HTR4: variants seen among roughly 807,000 people sequenced by gnomAD.
HTR4 encodes the protein 5-hydroxytryptamine receptor 4.
In HTR4, 16 loss-of-function variants were observed where a neutral mutation model predicts 36.8. That is an observed-to-expected ratio of 0.43 (90% CI 0.29 to 0.66). The LOEUF is 0.66. Ranked by LOEUF, HTR4 falls within the 30% of genes least tolerant of loss-of-function variation. The probability of loss-of-function intolerance (pLI) is 0.13; values close to 1 mark genes in which losing one functional copy is unlikely to be tolerated. For synonymous variants in HTR4, 189 were observed against 185.1 expected (o/e 1.02, Z -0.17); for missense variants, 438 against 490.9 (o/e 0.89, Z 1.02).
intron 2 of HTR4, chr5:148,630,534 C>T (rs776120194): frequency 1.1e-4 from 16 of 152,110 alleles, no homozygotes; most frequent in Admixed American, 5.9e-4. Flanking sequence ...TGTTTCCTCA[C>T]CAGAGAATGG....
intron 5 of HTR4, among the ~76,000 whole-genome samples, chr5:148,456,927 T>C (rs1430325038): frequency 6.6e-6 from 1 of 152,206 alleles, no homozygotes; most frequent in African/African-American, 2.4e-5. Flanking sequence ...AGTACAAAAT[T>C]CCCAATTCAG....
At chr5:148,578,731 A>G (rs1054607481) in intron 2 of HTR4, among the ~76,000 whole-genome samples, 1 of 152,114 alleles carries the variant, frequency 6.6e-6, no homozygotes, top group Non-Finnish European at 1.5e-5. Flanking sequence ...GATAATCACA[A>G]TACCTACGTC....
At chr5:148,513,069 A>T (rs1360644236) in intron 5 of HTR4, among the ~76,000 whole-genome samples, 1 of 150,948 alleles carries the variant, frequency 6.6e-6, no homozygotes, top group African/African-American at 2.4e-5. Context: ...GCTCACTACA[A>T]CCTCTGACTC....
At chr5:148,564,878 G>A (rs566566337) in intron 2 of HTR4, among the ~76,000 whole-genome samples, 29 of 152,162 alleles carry the variant, frequency 1.9e-4, no homozygotes, top group South Asian at 1.5e-3. Flanking sequence ...TTGGGAGGCC[G>A]AGGTGGGTGG....
rs1420933851 is a variant in HTR4 at position 148,633,390 on chromosome 5, T to TA, written c.26+3598_26+3599insT. Among the ~76,000 whole-genome samples, 4 of 151,936 alleles carry TA rather than the reference T, an allele frequency of 2.6e-5. No individual in the cohort carries two copies. The East Asian group carries it at 5.8e-4, about 22-fold the overall frequency. On this transcript the variant is annotated intron_variant, in intron 2 of 6. Transcript: ENST00000377888. Reference sequence around the variant, plus strand: ...ATCTTACTATTAGAATTCTTTTTTTTTTATTATACTTTAAGTTTTAGGGTA... The same window carrying TA: ...ATCTTACTATTAGAATTCTTTTTTTTATTATTATACTTTAAGTTTTAGGGTA...
At chr5:148,551,261 G>A (rs1759672914) in intron 2 of HTR4, among the ~76,000 whole-genome samples, 10 of 152,178 alleles carry the variant, frequency 6.6e-5, no homozygotes, top group Admixed American at 6.5e-4. Context: ...AAAAGATTGT[G>A]GTGTGATGGT....
intron 2 of HTR4, among the ~76,000 whole-genome samples, chr5:148,566,719 C>G (rs1193484271): frequency 2.6e-5 from 4 of 151,992 alleles, no homozygotes; most frequent in Non-Finnish European, 5.9e-5. Context: ...CACATACATG[C>G]TTACATATAC....
intron 2 of HTR4, among the ~76,000 whole-genome samples, chr5:148,619,333 A>G (rs893408043): frequency 2.0e-5 from 3 of 152,212 alleles, no homozygotes; most frequent in Admixed American, 2.0e-4. Flanking sequence ...GCTTGCAAGA[A>G]AAAAATGCCC....
chr5:148,558,690 A>G (rs1293546189), intron 2 of HTR4, among the ~76,000 whole-genome samples: 3 of 152,194 alleles, frequency 2.0e-5, no homozygotes, highest in Non-Finnish European at 4.4e-5. Flanking sequence ...CTAATTAGGT[A>G]GCACATTAGG....
At chr5:148,594,838 T>C (rs1039467965) in intron 2 of HTR4, among the ~76,000 whole-genome samples, 12 of 152,182 alleles carry the variant, frequency 7.9e-5, no homozygotes, top group Admixed American at 2.0e-4. Context: ...TTTTTTACAA[T>C]AAGTTCAACC....
chr5:148,590,608 G>A lies in HTR4; in HGVS notation c.27-40346C>T, dbSNP rs374357784. On this transcript the variant is annotated intron_variant, in intron 2 of 6. Coordinates refer to ENST00000377888, the MANE Select transcript of HTR4 (RefSeq NM_000870.7). ...TCTTGAATTATATTTCTACTTTCTG[G>A]TTTAATTTCCTTTTTCCTAAACTCC... Among the ~76,000 whole-genome samples, 30 of 151,984 alleles carry A rather than the reference G, an allele frequency of 2.0e-4. No homozygotes were observed. The South Asian group carries it at 6.2e-3, about 32-fold the overall frequency.
rs563420729 is a variant in HTR4 at position 148,507,214 on chromosome 5, G to A, written c.1076+2242C>T. Among the ~76,000 whole-genome samples, 19 of 151,958 alleles carry A rather than the reference G, an allele frequency of 1.3e-4. No individual in the cohort carries two copies. In the East Asian group the frequency reaches 2.1e-3, roughly 17 times the overall value. ...CAGCCATAAAAAAGGATGAGTTCAC[G>A]TCCTTTGTAGGGACATGGATGAAGC... On this transcript the variant is annotated intron_variant, in intron 6 of 6. Coordinates refer to ENST00000377888, the MANE Select transcript of HTR4 (RefSeq NM_000870.7).
chr5:148,548,738 C>G lies in HTR4; in HGVS notation c.283G>C (p.Val95Leu). The stretch of plus-strand genomic sequence containing the variant: ...AGCAGGACGTCCAGAGATGTCCGAA[C>G]AAGACAAAACACCTCCCCATAAATC... ...IWIYGEVFCL[V>L]RTSLDVLLTT... Residue 95 changes from valine (V) to leucine (L), a missense_variant, in exon 4 of 7, where the codon GTT becomes CTT. By Grantham distance (32) the Val-to-Leu change is conservative. Transcript: ENST00000377888. 15 of 1,613,414 alleles carry G rather than the reference C, an allele frequency of 9.3e-6. No homozygotes were observed. The highest frequency in any genetic ancestry group is 1.3e-5 in the Non-Finnish European group (15 of 1,179,650).
intron 2 of HTR4, among the ~76,000 whole-genome samples, chr5:148,602,652 G>C (rs1762040250): frequency 6.6e-6 from 1 of 152,112 alleles, no homozygotes; most frequent in Admixed American, 6.5e-5. Flanking sequence ...AGGCTAAGCA[G>C]ATGTTAATTA....
rs547652316 is a variant in HTR4, at chr5:148,454,963, A to G, written c.1077-3691T>C. Among the ~76,000 whole-genome samples, 18 of 152,322 alleles carry G rather than the reference A, an allele frequency of 1.2e-4. 1 individual carries two copies. In the East Asian group the frequency reaches 3.1e-3, roughly 26 times the overall value. ...CTAGGAAATGGGGCTACGCTTTAGT[A>G]TCTGAGGTGCAGGGATATCCCTGAA... On this transcript the variant is annotated intron_variant, in intron 5 of 5. Transcript: ENST00000521530.
At chr5:148,615,457 A>T (rs946373342) in intron 2 of HTR4, among the ~76,000 whole-genome samples, 1 of 144,890 alleles carries the variant, frequency 6.9e-6, no homozygotes, top group Non-Finnish European at 1.5e-5. Flanking sequence ...GCATATTCTC[A>T]CTCATAGGTG....
At chr5:148,526,260 C>A (rs1318635365) in intron 4 of HTR4, among the ~76,000 whole-genome samples, 1 of 152,138 alleles carries the variant, frequency 6.6e-6, no homozygotes, top group African/African-American at 2.4e-5. Context: ...CCACTTCACA[C>A]AGAGCAGTAA....
Position 148,454,980 on chromosome 5 carries a change from A to G in HTR4, c.1077-3708T>C, listed in dbSNP as rs1443028574. On this transcript the variant is annotated intron_variant, in intron 5 of 5. Transcript: ENST00000521530. ...GCTTTAGTATCTGAGGTGCAGGGAT[A>G]TCCCTGAAGTGGATGTTTGTGCAGG... Among the ~76,000 whole-genome samples the G allele has an allele frequency of 2.0e-5, 3 of 152,214 alleles. No individual in the cohort carries two copies. The East Asian group carries it at 5.8e-4, about 29-fold the overall frequency.
At chr5:148,508,519 A>G (rs1757332045) in intron 6 of HTR4, among the ~76,000 whole-genome samples, 1 of 151,810 alleles carries the variant, frequency 6.6e-6, no homozygotes, top group South Asian at 2.1e-4. Context: ...CTTATATTTC[A>G]TTTCCTTCCT....
Sources: allele counts gnomAD v4.1 joint callset (sites outside exome capture counted in the v4.1 genomes callset), GRCh38; gene constraint gnomAD v4.1.1; transcripts MANE v1.5; gene names NCBI Gene and HGNC (gene_info 2026-07-23, HGNC 2026-07-21).